The following WDR72 variants were observed in gnomAD, a reference collection of about 807,000 sequenced individuals.
The protein encoded by WDR72 is WD repeat-containing protein 72.
A neutral mutation model predicts 124.2 loss-of-function variants in WDR72; 120 were observed. That is an observed-to-expected ratio of 0.97 (90% CI 0.83 to 1.12). WDR72 has a LOEUF of 1.12. Ranked by LOEUF, WDR72 falls within the 50% of genes most tolerant of loss-of-function variation. WDR72 has a pLI of 0.00. For synonymous variants in WDR72, 452 were observed against 441.7 expected (o/e 1.02, Z -0.29); for missense variants, 1,387 against 1,278.8 (o/e 1.08, Z -1.29).
At chr15:53,541,258 A>T (rs1893110084) in intron 18 of WDR72, among the ~76,000 whole-genome samples, 1 of 152,206 alleles carries the variant, frequency 6.6e-6, no homozygotes, top group African/African-American at 2.4e-5. Flanking sequence ...ACAGCTTTGA[A>T]GAGAGCAGTG....
intron 11 of WDR72, among the ~76,000 whole-genome samples, chr15:53,704,674 C>T (rs1172768757): frequency 4.1e-5 from 6 of 147,138 alleles, no homozygotes; most frequent in African/African-American, 9.9e-5. Flanking sequence ...TACAGGTGCC[C>T]GCCACCATGC....
At chr15:53,594,760 C>T (rs1027330748) in intron 18 of WDR72, among the ~76,000 whole-genome samples, 1 of 151,844 alleles carries the variant, frequency 6.6e-6, no homozygotes, top group Admixed American at 6.6e-5. Context: ...CCACTGCACT[C>T]CAGACTAGTC....
chr15:53,532,682 AAAAAT>A (rs1173695548), intron 18 of WDR72, among the ~76,000 whole-genome samples: 1 of 152,124 alleles, frequency 6.6e-6, no homozygotes, highest in East Asian at 1.9e-4. Flanking sequence ...TAATGAGTAC[AAAAAT>A]ACAGTAAGAT....
intron 14 of WDR72, among the ~76,000 whole-genome samples, chr15:53,649,808 A>G (rs1348352364): frequency 2.0e-5 from 3 of 152,166 alleles, no homozygotes; most frequent in Admixed American, 1.3e-4. Context: ...GGTGTTTGTG[A>G]GGATGTAGAG....
intron 14 of WDR72, among the ~76,000 whole-genome samples, chr15:53,623,546 T>G (rs1005315533): frequency 6.6e-6 from 1 of 152,058 alleles, no homozygotes; most frequent in Non-Finnish European, 1.5e-5. Flanking sequence ...ACTTTCTCTA[T>G]CCAATCCATT....
At chr15:53,640,222 T>C (rs1342297419) in intron 14 of WDR72, among the ~76,000 whole-genome samples, 2 of 152,090 alleles carry the variant, frequency 1.3e-5, no homozygotes, top group Admixed American at 1.3e-4. Context: ...AAGTGAAAAA[T>C]AAATGTCTTA....
At chr15:53,622,727 C>G (rs1298222625) in intron 14 of WDR72, among the ~76,000 whole-genome samples, 5 of 151,986 alleles carry the variant, frequency 3.3e-5, no homozygotes, top group Non-Finnish European at 7.4e-5. Context: ...ATCACCATGG[C>G]ACACGTTTAC....
intron 14 of WDR72, among the ~76,000 whole-genome samples, chr15:53,622,673 G>A (rs73408266): frequency 0.068 from 10,365 of 151,954 alleles, 1,160 homozygotes; most frequent in African/African-American, 0.24. Context: ...GTTAATGCAT[G>A]CTGGCCTTAA....
chr15:53,744,163 C>T (rs920501147), intron 1 of WDR72, among the ~76,000 whole-genome samples: 3 of 152,058 alleles, frequency 2.0e-5, no homozygotes, highest in Admixed American at 1.3e-4. Context: ...TCAGGGCCTC[C>T]CATCAGCATG....
chr15:53,555,163 C>T (rs1444485511), intron 18 of WDR72, among the ~76,000 whole-genome samples: 1 of 151,634 alleles, frequency 6.6e-6, no homozygotes, highest in Non-Finnish European at 1.5e-5. Flanking sequence ...TCTTTTATTA[C>T]CAGGTTCTGA....
intron 1 of WDR72, among the ~76,000 whole-genome samples, chr15:53,750,550 C>G (rs1206834079): frequency 6.6e-6 from 1 of 152,172 alleles, no homozygotes; most frequent in Admixed American, 6.5e-5. Flanking sequence ...TGACTTTCAA[C>G]TCTTACTATT....
In WDR72 at chr15:53,613,520, C is replaced by G. The variant is rs1471999143; in HGVS notation, c.2872+146G>C. The G allele has an allele frequency of 4.7e-6, 3 of 633,020 alleles. No individual in the cohort carries two copies. The African/African-American group carries it at 5.5e-5, about 12-fold the overall frequency. The allele number at this position is 633,020 out of a possible 1,614,324, so 39.2% of individuals were successfully genotyped here. ...GCTAAATGACTAGCCTAAAGCCACA[C>G]AGCTAGTGTAATCACAAACATAGGT... On this transcript the variant is annotated intron_variant, in intron 16 of 19. Coordinates refer to ENST00000360509, the MANE Select transcript of WDR72 (RefSeq NM_182758.4).
chr15:53,581,485 C>G (rs2011923784), intron 18 of WDR72, among the ~76,000 whole-genome samples: 1 of 151,992 alleles, frequency 6.6e-6, no homozygotes, highest in South Asian at 2.1e-4. Flanking sequence ...AGTTTTAAAA[C>G]AGCAATTTGG....
intron 18 of WDR72, among the ~76,000 whole-genome samples, chr15:53,540,392 G>T: frequency 6.6e-6 from 1 of 152,100 alleles, no homozygotes; most frequent in Non-Finnish European, 1.5e-5. Context: ...AATGGAACTA[G>T]CACAGAAAAC....
chr15:53,610,320 A>G (rs955109779), intron 16 of WDR72, among the ~76,000 whole-genome samples: 1 of 151,962 alleles, frequency 6.6e-6, no homozygotes, highest in Non-Finnish European at 1.5e-5. Flanking sequence ...ATTAATTGAA[A>G]ATGTACATAT....
intron 3 of WDR72, among the ~76,000 whole-genome samples, chr15:53,722,422 G>C (rs2614203): frequency 0.05 from 7,530 of 152,102 alleles, 625 homozygotes; most frequent in African/African-American, 0.17. Context: ...AGCTTGGATG[G>C]GTTTGCTTAA....
chr15:53,691,154 A>T (rs564852342), intron 13 of WDR72, among the ~76,000 whole-genome samples: 47 of 152,176 alleles, frequency 3.1e-4, no homozygotes, highest in Admixed American at 1.3e-3. Context: ...AGCTCAAGTG[A>T]TCCTCCCATC....
At chr15:53,635,748 T>C (rs1160287204) in intron 14 of WDR72, among the ~76,000 whole-genome samples, 3 of 152,098 alleles carry the variant, frequency 2.0e-5, no homozygotes, top group South Asian at 2.1e-4. Flanking sequence ...CAATTCTTAG[T>C]ACCTGGGTGA....
chr15:53,613,880 T>C, intron 15 of WDR72, 123 bp from the exon 16 acceptor site: 1 of 647,164 alleles, frequency 1.5e-6, no homozygotes, highest in South Asian at 1.7e-5. Context: ...AAATTATTTT[T>C]AGCAATATCT....
Sources: allele counts gnomAD v4.1 joint callset (sites outside exome capture counted in the v4.1 genomes callset), GRCh38; gene constraint gnomAD v4.1.1; transcripts MANE v1.5; gene names NCBI Gene and HGNC (gene_info 2026-07-23, HGNC 2026-07-21).